Variants in STARD6 observed in about 807,000 individuals in gnomAD.
STARD6 encodes the protein stAR-related lipid transfer protein 6.
Under a neutral mutation model 22.3 loss-of-function variants are expected in STARD6, and 21 were observed. The ratio of observed to expected loss-of-function variants is 0.94; its 90% CI spans 0.67 to 1.35. STARD6 has a LOEUF of 1.35. STARD6 is among the 40% of genes most tolerant of loss of function. The probability of loss-of-function intolerance (pLI) is 0.00; values close to 1 mark genes in which losing one functional copy is unlikely to be tolerated. For missense variants in STARD6, 269 were observed against 266.9 expected (o/e 1.01, Z -0.05); for synonymous variants, 80 against 88.1 (o/e 0.91, Z 0.52).
At chr18:54,338,423 T>C (rs901071040) in intron 4 of STARD6, among the ~76,000 whole-genome samples, 6 of 152,052 alleles carry the variant, frequency 3.9e-5, no homozygotes, top group South Asian at 4.1e-4. Flanking sequence ...GAGTGATCCA[T>C]AGGAGGCCAG....
intron 7 of STARD6, among the ~76,000 whole-genome samples, chr18:54,328,244 T>G (rs1052467092): frequency 7.2e-5 from 11 of 152,336 alleles, no homozygotes; most frequent in Admixed American, 5.9e-4. Context: ...GTGTTTACAA[T>G]GGCTTTACAC....
intron 4 of STARD6, among the ~76,000 whole-genome samples, chr18:54,339,978 T>TA (rs1041916031): frequency 9.2e-5 from 14 of 151,718 alleles, no homozygotes; most frequent in Admixed American, 3.9e-4. Flanking sequence ...TATATGTGAA[T>TA]AAAAAAAATA....
chr18:54,353,624 C>A (rs2089117222), intron 4 of STARD6, among the ~76,000 whole-genome samples: 1 of 152,222 alleles, frequency 6.6e-6, no homozygotes, highest in African/African-American at 2.4e-5. Context: ...TGTGCCACTG[C>A]ACTCCAGCCT....
chr18:54,330,425 G>A (rs2088856841), intron 6 of STARD6, among the ~76,000 whole-genome samples: 1 of 152,046 alleles, frequency 6.6e-6, no homozygotes, highest in Admixed American at 6.6e-5. Flanking sequence ...AGCATATGGT[G>A]TGGTAGTTAG....
At chr18:54,355,269 T>C (rs868703153) in intron 2 of STARD6, among the ~76,000 whole-genome samples, 48 of 152,280 alleles carry the variant, frequency 3.2e-4, no homozygotes, top group Middle Eastern at 3.4e-3. Context: ...TGTGTTCATA[T>C]AACTGACTGT....
At chr18:54,351,362 CT>C (rs1162693029) in intron 4 of STARD6, among the ~76,000 whole-genome samples, 1 of 152,104 alleles carries the variant, frequency 6.6e-6, no homozygotes, top group Non-Finnish European at 1.5e-5. Context: ...GATCTAGGAA[CT>C]TTTTGGATGA....
chr18:54,328,284 G>A (rs1331992313), intron 7 of STARD6, among the ~76,000 whole-genome samples: 1 of 152,138 alleles, frequency 6.6e-6, no homozygotes, highest in African/African-American at 2.4e-5. Flanking sequence ...ATATTTACTG[G>A]AGTGCACTTC....
chr18:54,346,855 AAATAT>A (rs2089041373), intron 4 of STARD6, among the ~76,000 whole-genome samples: 1 of 152,118 alleles, frequency 6.6e-6, no homozygotes, highest in African/African-American at 2.4e-5. Context: ...CAGAATAGGC[AAATAT>A]AAAAGGCAGA....
chr18:54,348,779 A>T (rs1164409804), intron 4 of STARD6, among the ~76,000 whole-genome samples: 1 of 152,156 alleles, frequency 6.6e-6, no homozygotes, highest in Non-Finnish European at 1.5e-5. Context: ...AAAGGAACGA[A>T]ATTCCAACCA....
intron 3 of STARD6, 23 bp from the exon 4 acceptor site, chr18:54,354,126 C>G (rs767958369): frequency 6.9e-7 from 1 of 1,457,590 alleles, no homozygotes; most frequent in Admixed American, 2.0e-5. Flanking sequence ...TAAAAATCCA[C>G]AAATAATTAG....
chr18:54,325,464 C>T (rs2088817693), intron 7 of STARD6, among the ~76,000 whole-genome samples: 1 of 151,810 alleles, frequency 6.6e-6, no homozygotes, highest in African/African-American at 2.4e-5. Flanking sequence ...TTTAACAGTC[C>T]TTTTATTGAC....
intron 4 of STARD6, 43 bp downstream of exon 4, chr18:54,354,011 A>T: frequency 7.9e-7 from 1 of 1,265,248 alleles, no homozygotes; most frequent in South Asian, 1.4e-5. Flanking sequence ...CATCAATGGC[A>T]TTGAATTTAA....
At chr18:54,338,213 G>C (rs985919338) in intron 4 of STARD6, among the ~76,000 whole-genome samples, 1 of 152,144 alleles carries the variant, frequency 6.6e-6, no homozygotes, top group East Asian at 1.9e-4. Flanking sequence ...TATACTCATA[G>C]CTGGGTCTGG....
chr18:54,329,830 C>G (rs1435096776), intron 6 of STARD6, among the ~76,000 whole-genome samples: 5 of 151,216 alleles, frequency 3.3e-5, no homozygotes, highest in Admixed American at 1.3e-4. Flanking sequence ...TGGGTGAATA[C>G]TATTCTGCTA....
intron 4 of STARD6, among the ~76,000 whole-genome samples, chr18:54,353,737 C>A (rs2089118401): frequency 6.6e-6 from 1 of 152,132 alleles, no homozygotes; most frequent in Admixed American, 6.5e-5. Context: ...GTTTAAAATT[C>A]CATAAAATAT....
Position 54,324,616 on chromosome 18 carries a change from C to A in STARD6, c.*76G>T. 1.4e-6 allele frequency: 2 copies of A among 1,387,368 alleles called. No homozygotes were observed. Among genetic ancestry groups the A allele is most frequent in the Non-Finnish European group, 2.0e-6 (2 of 993,034 alleles). The allele number at this position is 1,387,368 out of a possible 1,614,324, so 85.9% of individuals were successfully genotyped here. On this transcript the variant is annotated 3_prime_UTR_variant, in exon 8 of 8. Coordinates refer to ENST00000307844, the MANE Select transcript of STARD6 (RefSeq NM_139171.2). ...ATAGTTTAACAGTATTATTTATGTG[C>A]GTTGACTTAGAAGTAAACAGCAATA...
In STARD6 at chr18:54,337,156, T is replaced by C. The variant is rs138330019; in HGVS notation, c.236A>G (p.Gln79Arg). ...AATCCTGTGTACCATATTATACACT[T>C]GCAATGATTTATCCCATGTAATTCT... ...GDRITWDKSL[Q>R]VYNMVHRIDS... The change falls in exon 5 of 8, where the codon CAA becomes CGA. Residue 79 changes from glutamine to arginine, a missense_variant. Transcript: ENST00000307844. 1.9e-6 allele frequency: 3 copies of C among 1,613,152 alleles called. No homozygotes were observed. The highest frequency in any genetic ancestry group is 1.7e-5 in the Admixed American group (1 of 59,940).
chr18:54,338,179 T>C (rs1474641519), intron 4 of STARD6, among the ~76,000 whole-genome samples: 2 of 152,148 alleles, frequency 1.3e-5, no homozygotes, highest in African/African-American at 2.4e-5. Context: ...GAAAATAATA[T>C]ATTCTATCCA....
intron 7 of STARD6, among the ~76,000 whole-genome samples, chr18:54,328,778 G>A (rs1444247184): frequency 1.3e-5 from 2 of 152,076 alleles, no homozygotes; most frequent in African/African-American, 2.4e-5. Context: ...TTGAATTTGA[G>A]TATATGCTTT....
Sources: allele counts gnomAD v4.1 joint callset (sites outside exome capture counted in the v4.1 genomes callset), GRCh38; gene constraint gnomAD v4.1.1; transcripts MANE v1.5; gene names NCBI Gene and HGNC (gene_info 2026-07-23, HGNC 2026-07-21).